CCDC125: variants seen among roughly 807,000 people sequenced by gnomAD.
CCDC125 encodes coiled-coil domain-containing protein 125.
In CCDC125, 43 loss-of-function variants were observed where a neutral mutation model predicts 57.4. That is an observed-to-expected ratio of 0.75 (90% confidence interval 0.59 to 0.97). The LOEUF is 0.97. Ranked by LOEUF, CCDC125 falls within the 50% of genes least tolerant of loss-of-function variation. CCDC125 has a pLI of 0.00. For missense variants in CCDC125, 563 were observed against 595.7 expected (o/e 0.95, Z 0.57); for synonymous variants, 187 against 195.2 (o/e 0.96, Z 0.35).
At chr5:69,287,252 G>C (rs777112222) in intron 10 of CCDC125, among the ~76,000 whole-genome samples, 18 of 147,136 alleles carry the variant, frequency 1.2e-4, no homozygotes, top group Non-Finnish European at 2.4e-4. Flanking sequence ...AAAGCTGTGC[G>C]AGATTAATCA....
chr5:69,290,227 T>C (rs1038393265), intron 10 of CCDC125, among the ~76,000 whole-genome samples: 2 of 151,986 alleles, frequency 1.3e-5, no homozygotes, highest in Non-Finnish European at 2.9e-5. Flanking sequence ...TAATATATAC[T>C]GTTTGAAAAT....
the CCDC125 span, among the ~76,000 whole-genome samples, chr5:69,275,113 A>T: frequency 6.6e-6 from 1 of 151,922 alleles, no homozygotes; most frequent in Non-Finnish European, 1.5e-5. Context: ...GTCATTTAGG[A>T]TATAATTATT....
Position 69,282,794 on chromosome 5 carries a change from G to A in CCDC125, c.1471C>T (p.Gln491Ter). ...AGAGTTCTATAGTTTGGATCTATTT[G>A]AGAGTGCTGGATTGAACAAATGCAG... Reference protein sequence around the residue: ...VGCICSIQHSQIDPNYRTLKR... With the variant: ...VGCICSIQHS Residue 491 changes from glutamine to a stop codon, truncating the protein, a stop_gained, in exon 12 of 12, where the codon CAA becomes TAA. Transcript: ENST00000396496. LOFTEE classifies it high-confidence loss of function. 1 of 1,613,844 alleles carries A rather than the reference G, an allele frequency of 6.2e-7. No homozygotes were observed. Among genetic ancestry groups the A allele is most frequent in the Non-Finnish European group, 8.5e-7 (1 of 1,179,924 alleles).
At chr5:69,283,441 G>T (rs539404130) in intron 11 of CCDC125, among the ~76,000 whole-genome samples, 38 of 151,834 alleles carry the variant, frequency 2.5e-4, no homozygotes, top group East Asian at 5.8e-4. Context: ...AGGATGGTCT[G>T]AATCTCCTGA....
At chr5:69,327,603 A>C (rs1413567967) in intron 1 of CCDC125, among the ~76,000 whole-genome samples, 1 of 152,180 alleles carries the variant, frequency 6.6e-6, no homozygotes, top group East Asian at 1.9e-4. Context: ...TCTGGGTTCA[A>C]ATCTCACTTC....
downstream of CCDC125, chr5:69,277,364 A>G (rs1752253759): frequency 2.5e-6 from 1 of 393,070 alleles, no homozygotes. Flanking sequence ...TACTCTTGAA[A>G]TGTAGAATTG....
At chr5:69,309,186 G>T (rs557128893) in intron 4 of CCDC125, 2 of 152,364 alleles carry the variant, frequency 1.3e-5, no homozygotes, top group Admixed American at 1.3e-4. Context: ...GCTAGCTGCA[G>T]ATATTTGCAT....
intron 8 of CCDC125, among the ~76,000 whole-genome samples, chr5:69,299,158 A>G (rs1293195565): frequency 3.4e-5 from 5 of 147,768 alleles, no homozygotes; most frequent in African/African-American, 7.6e-5. Context: ...CGCCCAGGCC[A>G]GACTGCAGTG....
the CCDC125 span, chr5:69,273,177 C>A: frequency 1.6e-6 from 1 of 609,824 alleles, no homozygotes. Context: ...AAATAACAAA[C>A]TTTGTATCTT....
At chr5:69,317,535 T>A (rs1026603789) in intron 2 of CCDC125, among the ~76,000 whole-genome samples, 2 of 152,206 alleles carry the variant, frequency 1.3e-5, no homozygotes, top group Non-Finnish European at 1.5e-5. Flanking sequence ...ATCACTCTCA[T>A]GTTGTTCTAA....
In CCDC125 at chr5:69,306,739, A is replaced by G. The variant is rs1382043955; in HGVS notation, c.617+78T>C. 3 of 1,312,486 alleles carry G rather than the reference A, an allele frequency of 2.3e-6. No individual in the cohort carries two copies. The East Asian group carries it at 8.5e-5, about 37-fold the overall frequency. The allele number at this position is 1,312,486 out of a possible 1,614,324, so 81.3% of individuals were successfully genotyped here. A position where few individuals can be genotyped will look rare whatever the true frequency, so the allele number is the denominator to read the frequency against. On this transcript the variant is annotated intron_variant, in intron 6 of 11. Coordinates refer to ENST00000396496, the MANE Select transcript of CCDC125 (RefSeq NM_176816.5). ...TTGTAATATTTTGCACTTGGCTCAA[A>G]GAAGAAAGCATAAATTACTTTTGAA...
At chr5:69,323,101 G>A (rs1204599194) in intron 1 of CCDC125, among the ~76,000 whole-genome samples, 3 of 151,882 alleles carry the variant, frequency 2.0e-5, no homozygotes, top group Non-Finnish European at 2.9e-5. Flanking sequence ...GAGGTCAGAA[G>A]TTCAAGACCA....
intron 2 of CCDC125, among the ~76,000 whole-genome samples, chr5:69,319,760 C>T (rs1416660066): frequency 6.6e-6 from 1 of 151,644 alleles, no homozygotes; most frequent in African/African-American, 2.4e-5. Context: ...GGATTACAGG[C>T]GTGAGCCACC....
chr5:69,317,229 T>C (rs1407681244), intron 2 of CCDC125, among the ~76,000 whole-genome samples: 3 of 152,126 alleles, frequency 2.0e-5, no homozygotes, highest in African/African-American at 7.2e-5. Flanking sequence ...CAGGCTGGTC[T>C]CAAACTCCTG....
chr5:69,304,007 G>A, intron 6 of CCDC125, 78 bp from the exon 7 acceptor site: 1 of 742,094 alleles, frequency 1.3e-6, no homozygotes, highest in Non-Finnish European at 2.2e-6. Context: ...TGCCATAATT[G>A]GAACACAAAA....
downstream of CCDC125, chr5:69,276,724 AT>A: frequency 6.3e-7 from 1 of 1,590,488 alleles, no homozygotes; most frequent in Non-Finnish European, 8.6e-7. Flanking sequence ...AATTAAATGA[AT>A]TTAGAAAACT....
intron 1 of CCDC125, among the ~76,000 whole-genome samples, chr5:69,321,507 G>C (rs1760017891): frequency 6.6e-6 from 1 of 152,218 alleles, no homozygotes; most frequent in Non-Finnish European, 1.5e-5. Context: ...CTACATGGTA[G>C]AGCCTATAGT....
chr5:69,284,050 A>G (rs1260957313), intron 11 of CCDC125, among the ~76,000 whole-genome samples: 1 of 151,938 alleles, frequency 6.6e-6, no homozygotes, highest in Non-Finnish European at 1.5e-5. Context: ...CGGCTTCCCA[A>G]AGTGCTGGGA....
At chr5:69,283,112 A>G in intron 11 of CCDC125, 78 bp from the exon 12 acceptor site, 4 of 1,199,200 alleles carry the variant, frequency 3.3e-6, no homozygotes, top group Non-Finnish European at 4.6e-6. Flanking sequence ...GTATTGTACT[A>G]TTTTATCAAG....
Sources: allele counts gnomAD v4.1 joint callset (sites outside exome capture counted in the v4.1 genomes callset), GRCh38; gene constraint gnomAD v4.1.1; transcripts MANE v1.5; gene names NCBI Gene and HGNC (gene_info 2026-07-23, HGNC 2026-07-21).